HEATR1: variants seen among roughly 807,000 people sequenced by gnomAD.
The protein encoded by HEATR1 is HEAT repeat containing 1, also known as HEAT repeat-containing protein 1.
Under a neutral mutation model 248.2 loss-of-function variants are expected in HEATR1, and 77 were observed. The observed-to-expected ratio is 0.31, with a 90% CI of 0.26 to 0.37. The LOEUF (loss-of-function observed/expected upper bound fraction) is 0.37. Ranked by LOEUF, HEATR1 falls within the 10% of genes least tolerant of loss-of-function variation. The pLI is 1.00. For missense variants in HEATR1, 2,420 were observed against 2,504.9 expected (o/e 0.97, Z 0.72); for synonymous variants, 897 against 923.1 (o/e 0.97, Z 0.51).
rs1166397542 is a variant in HEATR1 at position 236,596,870 on chromosome 1, T to C, written c.710A>G (p.Asn237Ser). 7.4e-6 allele frequency: 12 copies of C among 1,613,976 alleles called. No individual in the cohort carries two copies. The Admixed American group carries it at 1.3e-4, about 18-fold the overall frequency. The stretch of plus-strand genomic sequence containing the variant: ...ATAGGGAAATAGTTTGGCGATGATA[T>C]TGTCTGATACGTCCTCTGCAGCTAC... ...ALVAAEDVSD[N>S]IIAKLFPYIQ... The change falls in exon 6 of 45, where the codon AAT becomes AGT. Residue 237 changes from asparagine (N) to serine (S), a missense_variant. Physicochemically the swap from Asn to Ser is conservative, Grantham distance 46 (BLOSUM62 1). Transcript: ENST00000366582.
chr1:236,594,701 GTCTT>G (rs1231294143), intron 8 of HEATR1, among the ~76,000 whole-genome samples: 1 of 152,166 alleles, frequency 6.6e-6, no homozygotes, highest in African/African-American at 2.4e-5. Flanking sequence ...GTTTAGAGAA[GTCTT>G]TCTTAGTATT....
At chr1:236,577,877 C>A (rs938218218) in intron 20 of HEATR1, among the ~76,000 whole-genome samples, 1 of 152,052 alleles carries the variant, frequency 6.6e-6, no homozygotes, top group Non-Finnish European at 1.5e-5. Flanking sequence ...TGTTTCTATT[C>A]TTTTGTCATC....
At chr1:236,577,032 G>T in intron 20 of HEATR1, 83 bp from the exon 21 acceptor site, 2 of 1,056,680 alleles carry the variant, frequency 1.9e-6, no homozygotes, top group Non-Finnish European at 2.7e-6. Flanking sequence ...AAAGGTACTT[G>T]ATAAAAAGTT....
At chr1:236,554,956 C>G (rs1662917957) in intron 41 of HEATR1, among the ~76,000 whole-genome samples, 1 of 152,224 alleles carries the variant, frequency 6.6e-6, no homozygotes, top group East Asian at 1.9e-4. Flanking sequence ...CTAACACTCA[C>G]TCTGGCAAGT....
chr1:236,580,367 C>T (rs973455447), intron 20 of HEATR1, among the ~76,000 whole-genome samples: 2 of 152,282 alleles, frequency 1.3e-5, no homozygotes, highest in Admixed American at 1.3e-4. Flanking sequence ...ATTGCTGCTA[C>T]AGCTCAGAAA....
At position 236,556,173 on chromosome 1, in the gene HEATR1, G is replaced by A. The variant is rs776004580; in HGVS notation, c.5441C>T (p.Ala1814Val). The change falls in exon 38 of 45, where the codon GCT (alanine) becomes GTT (valine). Residue 1814 changes from alanine (A) to valine (V), a missense_variant. Physicochemically the swap from Ala to Val is moderately conservative, Grantham distance 64 (BLOSUM62 0). Transcript: ENST00000366582. ...IRLTSLKKTL[A>V]TTLAPRVLLP... is the part of the protein sequence containing the mutation. ...CAGGACTCGGGGTGCAAGTGTGGTA[G>A]CCAGTGTCTTTTTAAGAGATGTGAG... 1.3e-5 allele frequency: 21 copies of A among 1,613,934 alleles called. No individual in the cohort carries two copies. The South Asian group carries it at 2.3e-4, about 18-fold the overall frequency.
intron 9 of HEATR1, 52 bp downstream of exon 9, chr1:236,593,960 A>T: frequency 8.3e-7 from 1 of 1,211,720 alleles, no homozygotes; most frequent in Non-Finnish European, 1.2e-6. Context: ...CTTGAAAATT[A>T]TACTGAGTCA....
intron 13 of HEATR1, 80 bp downstream of exon 13, chr1:236,587,868 A>T: frequency 1.1e-6 from 1 of 944,926 alleles, no homozygotes; most frequent in Non-Finnish European, 1.6e-6. Context: ...AAAATATTCT[A>T]GTCTCAAGCA....
At chr1:236,555,727 T>TA (rs1558176843) in intron 39 of HEATR1, 72 bp from the exon 40 acceptor site, 11 of 1,606,248 alleles carry the variant, frequency 6.8e-6, no homozygotes, top group African/African-American at 1.3e-5. Context: ...GTACCACTGT[T>TA]ACACGGCTAG....
chr1:236,575,005 C>G, intron 22 of HEATR1, 102 bp from the exon 23 acceptor site: 1 of 1,179,884 alleles, frequency 8.5e-7, no homozygotes, highest in Non-Finnish European at 1.2e-6. Flanking sequence ...GGAGTTTAGC[C>G]TGGAGGAAAA....
Position 236,586,023 on chromosome 1 carries a change from A to T in HEATR1, c.1928-82T>A, listed in dbSNP as rs571393180. On this transcript the variant is annotated intron_variant, in intron 15 of 44. Coordinates refer to ENST00000366582, the MANE Select transcript of HEATR1 (RefSeq NM_018072.6). The stretch of plus-strand genomic sequence containing the variant: ...CATGAAGAATTCAGGCAAACATTTT[A>T]CTATTGTTTATGAAGGTTTGCTTTC... The T allele has an allele frequency of 8.6e-6, 13 of 1,504,182 alleles. No homozygotes were observed. In the Admixed American group the frequency reaches 1.3e-4, roughly 15 times the overall value. 93.2% of individuals were successfully genotyped at this position (1,504,182 alleles called of 1,614,324 possible).
chr1:236,583,519 C>G (rs1270988042), intron 17 of HEATR1, among the ~76,000 whole-genome samples: 1 of 132,010 alleles, frequency 7.6e-6, no homozygotes, highest in African/African-American at 2.9e-5. Flanking sequence ...CGGAGTCTTG[C>G]TCTGTCACCC....
rs1463446688 is a variant in HEATR1 at position 236,585,996 on chromosome 1, CA to C, written c.1928-56del. The C allele has an allele frequency of 5.0e-6, 8 of 1,593,864 alleles. No homozygotes were observed. In the Admixed American group the frequency reaches 5.2e-5, roughly 10 times the overall value. On this transcript the variant is annotated intron_variant, in intron 15 of 44. Transcript: ENST00000366582. ...CTTATGTCACCAACACTCAAAGAATCACATGAAGAATTCAGGCAAACATTTT... is the reference window on the plus strand; with the variant it reads ...CTTATGTCACCAACACTCAAAGAATCCATGAAGAATTCAGGCAAACATTTT...
Position 236,569,076 on chromosome 1 carries a change from T to C in HEATR1, c.3997A>G (p.Asn1333Asp), listed in dbSNP as rs999354392. 6.2e-7 allele frequency: 1 copy of C among 1,606,384 alleles called. No homozygotes were observed. Among genetic ancestry groups the C allele is most frequent in the African/African-American group, 1.3e-5 (1 of 74,608 alleles). The change falls in exon 29 of 45, where the codon AAT (asparagine) becomes GAT (aspartate). Residue 1333 changes from asparagine (N) to aspartate (D), a missense_variant. Transcript: ENST00000366582. ...TAAGTATCATCTAGGCGCATGACATTGGCTCCCATAAATGTAAAAATAGAC... is the reference window on the plus strand; with the variant it reads ...TAAGTATCATCTAGGCGCATGACATCGGCTCCCATAAATGTAAAAATAGAC... Reference protein sequence around the residue: ...IMSIFTFMGANVMRLDDTYSF... With the variant: ...IMSIFTFMGADVMRLDDTYSF...
At chr1:236,603,104 T>A in intron 3 of HEATR1, 56 bp downstream of exon 3, 3 of 1,386,292 alleles carry the variant, frequency 2.2e-6, no homozygotes, top group Non-Finnish European at 3.1e-6. Context: ...ACTACTTAAT[T>A]TTTTACAAGA....
In HEATR1 at chr1:236,582,728, G is replaced by A. The variant is rs1451884651; in HGVS notation, c.2562+8C>T. The A allele has an allele frequency of 6.2e-7, 1 of 1,614,100 alleles. No individual in the cohort carries two copies. On this transcript the variant is annotated splice_region_variant and intron_variant, in intron 19 of 44. Transcript: ENST00000366582. Reference sequence around the variant, plus strand: ...GTAGAGTACGCCTGAAAAGGAGGAGGCTTGTACCTTTATGAAAAGTTTCAT... The same window carrying A: ...GTAGAGTACGCCTGAAAAGGAGGAGACTTGTACCTTTATGAAAAGTTTCAT...
chr1:236,601,149 C>T lies in HEATR1; in HGVS notation c.360-1525G>A, dbSNP rs529492130. Among the ~76,000 whole-genome samples, 313 of 152,094 alleles carry T rather than the reference C, an allele frequency of 2.1e-3. 2 individuals are homozygous for T. The highest frequency in any genetic ancestry group is 3.2e-3 in the Non-Finnish European group (217 of 68,010). On this transcript the variant is annotated intron_variant, in intron 3 of 44. Transcript: ENST00000366582. ...CTTTTAAATATTCTTTGTCTGATTG[C>T]CCTAATGTTCTGACAATCAGAAGAC... is the stretch of plus-strand genomic sequence containing the variant.
Position 236,569,035 on chromosome 1 carries a change from A to T in HEATR1, c.4038T>A (p.Ile1346=). The change falls in exon 29 of 45, where the codon ATT becomes ATA. Residue 1346 remains isoleucine (I), a synonymous_variant. Coordinates refer to ENST00000366582, the MANE Select transcript of HEATR1 (RefSeq NM_018072.6). The part of the protein sequence containing the change: ...RLDDTYSFQV[I]NKTVKMVIPA... Reference sequence around the variant, plus strand: ...GAATAACCATTTTCACTGTCTTGTTAATAACTTGAAAACTGTAAGTATCAT... The same window carrying T: ...GAATAACCATTTTCACTGTCTTGTTTATAACTTGAAAACTGTAAGTATCAT... 1 of 1,610,026 alleles carries T rather than the reference A, an allele frequency of 6.2e-7. No individual in the cohort carries two copies. The highest frequency in any genetic ancestry group is 1.3e-5 in the African/African-American group (1 of 74,824).
At chr1:236,580,698 G>C (rs1449185320) in intron 20 of HEATR1, among the ~76,000 whole-genome samples, 1 of 151,748 alleles carries the variant, frequency 6.6e-6, no homozygotes, top group African/African-American at 2.4e-5. Context: ...TGTATTTTTT[G>C]TAGAGGCAGG....
Sources: allele counts gnomAD v4.1 joint callset (sites outside exome capture counted in the v4.1 genomes callset), GRCh38; gene constraint gnomAD v4.1.1; transcripts MANE v1.5; gene names NCBI Gene and HGNC (gene_info 2026-07-23, HGNC 2026-07-21).